The following MAP2 variants were observed in gnomAD, a reference collection of about 807,000 sequenced individuals.
MAP2 encodes microtubule associated protein 2, also known as microtubule-associated protein 2.
A neutral mutation model predicts 137.6 loss-of-function variants in MAP2; 14 were observed. The ratio of observed to expected loss-of-function variants is 0.10; its 90% CI spans 0.07 to 0.16. The LOEUF (loss-of-function observed/expected upper bound fraction) is 0.16, where lower values mean the gene tolerates loss of function less well. MAP2 is among the 10% of genes least tolerant of loss of function. The probability of loss-of-function intolerance (pLI) is 1.00; values close to 1 mark genes in which losing one functional copy is unlikely to be tolerated. For synonymous variants in MAP2, 786 were observed against 782.3 expected (o/e 1.00, Z -0.08); for missense variants, 2,088 against 2,191.5 (o/e 0.95, Z 0.94).
rs1559685352 is a variant in MAP2, at chr2:209,729,855, G to A, written c.5161G>A (p.Gly1721Arg). ...LKNIRHRPGGGRVKIESVKLD... is the reference protein window; with the variant it reads ...LKNIRHRPGGRRVKIESVKLD... ...AGGTATTTCTTCCCTCATAGGTGGCGGACGTGTGAAAATTGAGAGTGTAAA... is the reference window on the plus strand; with the variant it reads ...AGGTATTTCTTCCCTCATAGGTGGCAGACGTGTGAAAATTGAGAGTGTAAA... Residue 1721 changes from glycine (G) to arginine (R), a missense_variant, in exon 15 of 16, where the codon GGA becomes AGA. Gly to Arg is a moderately radical substitution (Grantham distance 125, BLOSUM62 -2). Transcript: ENST00000682079. 8 of 1,607,784 alleles carry A rather than the reference G, an allele frequency of 5.0e-6. No individual in the cohort carries two copies. Among genetic ancestry groups the A allele is most frequent in the Non-Finnish European group, 5.1e-6 (6 of 1,174,974 alleles).
intron 3 of MAP2, among the ~76,000 whole-genome samples, chr2:209,602,106 T>A (rs980290320): frequency 6.6e-6 from 1 of 152,186 alleles, no homozygotes; most frequent in Non-Finnish European, 1.5e-5. Context: ...CCTTTTGAAT[T>A]TTATCTAGTT....
chr2:209,713,435 G>A (rs538977513), intron 13 of MAP2, among the ~76,000 whole-genome samples: 1 of 152,290 alleles, frequency 6.6e-6, no homozygotes, highest in Non-Finnish European at 1.5e-5. Flanking sequence ...TAAGCTAGCT[G>A]AAGATACAAG....
chr2:209,477,307 C>T (rs192173393), intron 1 of MAP2, among the ~76,000 whole-genome samples: 128 of 151,538 alleles, frequency 8.4e-4, no homozygotes, highest in African/African-American at 3.0e-3. Context: ...CAATCTTAAA[C>T]TATTTCAAAA....
chr2:209,624,218 G>C (rs1323826834), intron 3 of MAP2, among the ~76,000 whole-genome samples: 4 of 152,108 alleles, frequency 2.6e-5, no homozygotes, highest in Non-Finnish European at 5.9e-5. Context: ...CTTCCTAGAA[G>C]ATATGACGGG....
At chr2:209,640,118 T>C (rs2093900383) in intron 4 of MAP2, among the ~76,000 whole-genome samples, 1 of 152,152 alleles carries the variant, frequency 6.6e-6, no homozygotes, top group Admixed American at 6.6e-5. Flanking sequence ...CTCCTACTTG[T>C]CCTTTAAACC....
At chr2:209,725,684 A>C (rs1047948511) in intron 13 of MAP2, 25 bp from the exon 14 acceptor site, 8 of 1,494,980 alleles carry the variant, frequency 5.4e-6, no homozygotes, top group Non-Finnish European at 7.3e-6. Flanking sequence ...AACTATTTTA[A>C]GCATGTTTTA....
intron 1 of MAP2, among the ~76,000 whole-genome samples, chr2:209,429,417 G>T (rs13034750): frequency 6.6e-6 from 1 of 151,566 alleles, no homozygotes; most frequent in Non-Finnish European, 1.5e-5. Context: ...AAGTTACTAT[G>T]TGTCAGGCAG....
rs1427661777 is a variant in MAP2, at chr2:209,693,053, A to G, written c.883A>G (p.Lys295Glu). Residue 295 changes from lysine (K) to glutamate (E), a missense_variant, in exon 8 of 16, where the codon AAA becomes GAA. This residue lies in a region of MAP2 where 859 missense variants were observed against 794.5 expected (regional missense o/e 1.08). Coordinates refer to ENST00000682079, the MANE Select transcript of MAP2 (RefSeq NM_001375505.1). ...TGGCCCTCTGACTCCCATGAGGGAA[A>G]AAGATGTATTTGATGATATCCCAAA... Reference protein sequence around the residue: ...SPGPLTPMREKDVFDDIPKWE... With the variant: ...SPGPLTPMREEDVFDDIPKWE... The G allele has an allele frequency of 1.2e-6, 2 of 1,613,038 alleles. No homozygotes were observed. Among genetic ancestry groups the G allele is most frequent in the Admixed American group, 1.7e-5 (1 of 59,828 alleles).
chr2:209,723,595 G>T (rs1230978221), intron 13 of MAP2: 1 of 1,600,412 alleles, frequency 6.2e-7, no homozygotes, highest in Non-Finnish European at 8.6e-7. Context: ...TTCCTTTTAG[G>T]TTAGGATTTT....
intron 2 of MAP2, among the ~76,000 whole-genome samples, chr2:209,575,258 ATG>A: frequency 6.6e-6 from 1 of 152,140 alleles, no homozygotes; most frequent in Non-Finnish European, 1.5e-5. Flanking sequence ...GCGCTGGCTC[ATG>A]CATGTAATCC....
rs538141393 is a variant in MAP2 at position 209,549,962 on chromosome 2, C to T, written c.-171-30074C>T. ...AACAATTTTTGATTTTATGCTGCTT[C>T]AAATGATGGAAAAGGTACTGATTTA... On this transcript the variant is annotated intron_variant, in intron 2 of 15. Coordinates refer to ENST00000682079, the MANE Select transcript of MAP2 (RefSeq NM_001375505.1). 6.6e-5 allele frequency among the ~76,000 whole-genome samples: 10 copies of T among 152,276 alleles called. No homozygotes were observed. In the South Asian group the frequency reaches 1.7e-3, roughly 25 times the overall value.
At chr2:209,635,211 G>T (rs1346850160) in intron 4 of MAP2, among the ~76,000 whole-genome samples, 1 of 151,868 alleles carries the variant, frequency 6.6e-6, no homozygotes, top group East Asian at 1.9e-4. Context: ...TGCCATTCTT[G>T]GTTTCTTCAG....
chr2:209,507,195 T>C (rs1339035421), intron 1 of MAP2, among the ~76,000 whole-genome samples: 2 of 152,130 alleles, frequency 1.3e-5, no homozygotes, highest in Non-Finnish European at 2.9e-5. Context: ...ATTCAGTCTA[T>C]GGCAGGATCA....
At chr2:209,529,280 C>T (rs1436894954) in intron 2 of MAP2, among the ~76,000 whole-genome samples, 5 of 152,066 alleles carry the variant, frequency 3.3e-5, no homozygotes, top group African/African-American at 1.2e-4. Flanking sequence ...GGAAGACAAA[C>T]TCTATTGTTG....
At chr2:209,673,186 A>G (rs1028268784) in intron 5 of MAP2, among the ~76,000 whole-genome samples, 1 of 151,728 alleles carries the variant, frequency 6.6e-6, no homozygotes, top group African/African-American at 2.4e-5. Flanking sequence ...AACCAATAAC[A>G]TTTTTAGAAA....
intron 1 of MAP2, among the ~76,000 whole-genome samples, chr2:209,457,983 A>AC (rs2149552792): frequency 6.6e-6 from 1 of 152,266 alleles, no homozygotes; most frequent in African/African-American, 2.4e-5. Flanking sequence ...GGGACTGCCA[A>AC]CTTTTTTTTG....
At chr2:209,454,706 A>T (rs1256509185) in intron 1 of MAP2, among the ~76,000 whole-genome samples, 2 of 152,218 alleles carry the variant, frequency 1.3e-5, no homozygotes, top group Non-Finnish European at 1.5e-5. Context: ...TATAGAATAC[A>T]TAATCATATG....
chr2:209,590,935 C>T (rs561686363), intron 3 of MAP2, among the ~76,000 whole-genome samples: 74 of 152,108 alleles, frequency 4.9e-4, no homozygotes, highest in African/African-American at 1.7e-3. Context: ...AGTAATGACT[C>T]CTGTTTATTT....
At chr2:209,444,370 C>T (rs1410490830) in intron 1 of MAP2, among the ~76,000 whole-genome samples, 2 of 151,580 alleles carry the variant, frequency 1.3e-5, no homozygotes, top group Non-Finnish European at 3.0e-5. Flanking sequence ...CTAAATATTA[C>T]ATAGGTGAAC....
Sources: allele counts gnomAD v4.1 joint callset (sites outside exome capture counted in the v4.1 genomes callset), GRCh38; gene constraint gnomAD v4.1.1; regional missense constraint gnomAD v4.1.1; transcripts MANE v1.5; gene names NCBI Gene and HGNC (gene_info 2026-07-23, HGNC 2026-07-21).